ABCC10: variants seen among roughly 807,000 people sequenced by gnomAD.
ABCC10 encodes the protein ATP-binding cassette sub-family C member 10.
Under a neutral mutation model 143.2 loss-of-function variants are expected in ABCC10, and 110 were observed. The observed-to-expected ratio is 0.77, with a 90% CI of 0.66 to 0.90. The LOEUF (loss-of-function observed/expected upper bound fraction) is 0.90, where lower values mean the gene tolerates loss of function less well. Among genes scored for constraint, ABCC10 ranks in the 40% least tolerant of loss-of-function variants. The pLI, the probability that ABCC10 is intolerant of heterozygous loss-of-function variation, is 0.00. For missense variants in ABCC10, 1,700 were observed against 1,900.5 expected (o/e 0.89, Z 1.96); for synonymous variants, 805 against 846.7 (o/e 0.95, Z 0.85).
At chr6:43,428,396 A>G (rs997432965) in intron 2 of ABCC10, among the ~76,000 whole-genome samples, 24 of 152,218 alleles carry the variant, frequency 1.6e-4, no homozygotes, top group Non-Finnish European at 2.9e-4. Flanking sequence ...ATGTTTTTAA[A>G]GGTCCGATGA....
In ABCC10 at chr6:43,450,355, C is replaced by A. The variant is rs1783631435; in HGVS notation, c.*264C>A. The A allele has an allele frequency of 2.1e-6, 2 of 965,258 alleles. No individual in the cohort carries two copies. The highest frequency in any genetic ancestry group is 6.7e-5 in the Admixed American group (2 of 29,680). The allele number at this position is 965,258 out of a possible 1,614,324, so 59.8% of individuals were successfully genotyped here. On this transcript the variant is annotated 3_prime_UTR_variant, in exon 22 of 22. Transcript: ENST00000372530. The surrounding 1 kb of genome is among the most constrained non-coding windows in gnomAD (Gnocchi z 4.5). ...TTTTTCTGGCATAGGAGCCCACTTG[C>A]ATTTTCATAGTTTTATTTGATAAAA...
In ABCC10 at chr6:43,447,728, C is replaced by T. The variant is rs762259730; in HGVS notation, c.3750C>T (p.Asp1250=). The T allele has an allele frequency of 1.1e-5, 18 of 1,614,004 alleles. No individual in the cohort carries two copies. The East Asian group carries it at 2.2e-4, about 20-fold the overall frequency. Residue 1250 remains aspartate (D), a synonymous_variant, in exon 18 of 22, where the codon GAC becomes GAT. Coordinates refer to ENST00000372530, the MANE Select transcript of ABCC10 (RefSeq NM_001198934.2). ...CCCAGGGGGGCGTGGAGTTCCAGGACGTGGTGTTGGCGTACCGGCCAGGGC... is the reference window on the plus strand; with the variant it reads ...CCCAGGGGGGCGTGGAGTTCCAGGATGTGGTGTTGGCGTACCGGCCAGGGC... ...WLTQGGVEFQ[D]VVLAYRPGLP...
intron 2 of ABCC10, among the ~76,000 whole-genome samples, chr6:43,428,728 C>G (rs115435194): frequency 0.021 from 3,168 of 152,254 alleles, 53 homozygotes; most frequent in South Asian, 0.044. Flanking sequence ...CTAGAGATGA[C>G]TAAAGTTAGT....
Position 43,443,421 on chromosome 6 carries a change from C to T in ABCC10, c.2416+262C>T, listed in dbSNP as rs1342418654. 1.5e-5 allele frequency: 6 copies of T among 412,706 alleles called. No individual in the cohort carries two copies. The highest frequency in any genetic ancestry group is 2.6e-5 in the Non-Finnish European group (6 of 233,712). 25.6% of individuals were successfully genotyped at this position (412,706 alleles called of 1,614,324 possible). On this transcript the variant is annotated intron_variant, in intron 10 of 21. Transcript: ENST00000372530. The surrounding 1 kb of genome is among the most constrained non-coding windows in gnomAD (Gnocchi z 4.2). ...AAGGCCCAGGGTCTCTGAGAACATTCTCATATCTTCAGAGAAGAGAAAGGA... is the reference window on the plus strand; with the variant it reads ...AAGGCCCAGGGTCTCTGAGAACATTTTCATATCTTCAGAGAAGAGAAAGGA...
At chr6:43,451,824 T>C, downstream of ABCC10, 1 of 1,465,772 alleles carries the variant, frequency 6.8e-7, no homozygotes, top group South Asian at 1.4e-5. This position sits in a 1 kb window ranked among gnomAD's most constrained non-coding sequence, Gnocchi z 4.4. Context: ...TATCTGAGTG[T>C]CCCCGTGTGG....
chr6:43,451,825 C>T (rs947453242), downstream of ABCC10: 11 of 1,472,048 alleles, frequency 7.5e-6, no homozygotes, highest in Admixed American at 2.4e-5. This position sits in a 1 kb window ranked among gnomAD's most constrained non-coding sequence, Gnocchi z 4.4. Context: ...ATCTGAGTGT[C>T]CCCGTGTGGG....
rs1163938360 is a variant in ABCC10, at chr6:43,428,158, A to AAGG, written c.161+20_161+22dup. 1 of 1,513,378 alleles carries AAGG rather than the reference A, an allele frequency of 6.6e-7. No individual in the cohort carries two copies. Among genetic ancestry groups the AAGG allele is most frequent in the Non-Finnish European group, 8.8e-7 (1 of 1,131,552 alleles). 93.7% of individuals were successfully genotyped at this position (1,513,378 alleles called of 1,614,324 possible). ...CCCCGAGGTGGGTAGAGACGGGCGCAAGGCATCTGTCCATGTGTGCCTGCA... is the reference window on the plus strand; with the variant it reads ...CCCCGAGGTGGGTAGAGACGGGCGCAAGGAGGCATCTGTCCATGTGTGCCTGCA... On this transcript the variant is annotated intron_variant, in intron 2 of 21. Transcript: ENST00000372530.
rs1783086429 is a variant in ABCC10, at chr6:43,446,448, T to G, written c.3544+2T>G. 6 of 1,609,654 alleles carry G rather than the reference T, an allele frequency of 3.7e-6. No individual in the cohort carries two copies. The African/African-American group carries it at 6.7e-5, about 18-fold the overall frequency. On this transcript the variant is annotated splice_donor_variant, in intron 16 of 21. Coordinates refer to ENST00000372530, the MANE Select transcript of ABCC10 (RefSeq NM_001198934.2). LOFTEE classifies it high-confidence loss of function. ...ACCAGCAGGGCCTCGCTAACCCAGG[T>G]GCCACCCAGGACCCCTCACCCCTAC... is the stretch of plus-strand genomic sequence containing the variant.
At position 43,450,335 on chromosome 6, in the gene ABCC10, C is replaced by T; in HGVS notation, c.*244C>T. 1 of 895,150 alleles carries T rather than the reference C, an allele frequency of 1.1e-6. No individual in the cohort carries two copies. The highest frequency in any genetic ancestry group is 1.6e-6 in the Non-Finnish European group (1 of 624,348). The allele number at this position is 895,150 out of a possible 1,614,324, so 55.5% of individuals were successfully genotyped here. A position where few individuals can be genotyped will look rare whatever the true frequency, so the allele number is the denominator to read the frequency against. On this transcript the variant is annotated 3_prime_UTR_variant, in exon 22 of 22. Coordinates refer to ENST00000372530, the MANE Select transcript of ABCC10 (RefSeq NM_001198934.2). This position sits in a 1 kb window ranked among gnomAD's most constrained non-coding sequence, Gnocchi z 4.5. ...CATCTGGAACGCCAGGTGGGTTTTT[C>T]TGGCATAGGAGCCCACTTGCATTTT...
In ABCC10 at chr6:43,436,155, T is replaced by G; in HGVS notation, c.1783T>G (p.Ser595Ala). 1 of 1,614,160 alleles carries G rather than the reference T, an allele frequency of 6.2e-7. No individual in the cohort carries two copies. Among genetic ancestry groups the G allele is most frequent in the Non-Finnish European group, 8.5e-7 (1 of 1,179,992 alleles). Residue 595 changes from serine to alanine, a missense_variant, in exon 6 of 22, where the codon TCT becomes GCT. Physicochemically the swap from Ser to Ala is moderately conservative, Grantham distance 99. Transcript: ENST00000372530. Reference protein sequence around the residue: ...YYSPDPPAEPSTVLELHGALF... With the variant: ...YYSPDPPAEPATVLELHGALF... ...CTGTTCAGATCCCCCTGCAGAGCCA[T>G]CTACAGTATTGGAGCTGCATGGAGC...
Position 43,438,633 on chromosome 6 carries a change from G to A in ABCC10, c.1965G>A (p.Gly655=), listed in dbSNP as rs373616680. The change falls in exon 8 of 22, where the codon GGG becomes GGA. Residue 655 remains glycine (G), a synonymous_variant. Coordinates refer to ENST00000372530, the MANE Select transcript of ABCC10 (RefSeq NM_001198934.2). ...GCCTGGCTCTCTGCAGGCTGCGTGG[G>A]CATGTGGCAGTGCGGGGGCTGTCCA... is the stretch of plus-strand genomic sequence containing the variant. ...AIAGELHRLR[G]HVAVRGLSKG... is the part of the protein sequence containing the mutation. 606 of 1,613,776 alleles carry A rather than the reference G, an allele frequency of 3.8e-4. No individual in the cohort carries two copies. Among genetic ancestry groups the A allele is most frequent in the Non-Finnish European group, 4.6e-4 (544 of 1,180,016 alleles).
chr6:43,437,807 C>T, intron 6 of ABCC10, 127 bp from the exon 7 acceptor site: 1 of 865,764 alleles, frequency 1.2e-6, no homozygotes, highest in African/African-American at 1.7e-5. Flanking sequence ...TTTCCCTACA[C>T]ACTAAAGAAA....
At chr6:43,441,216 G>A (rs1045506726) in intron 8 of ABCC10, among the ~76,000 whole-genome samples, 1 of 152,176 alleles carries the variant, frequency 6.6e-6, no homozygotes, top group Admixed American at 6.5e-5. Context: ...GGTGGCTCAC[G>A]CCTATAATCC....
chr6:43,431,780 A>T, intron 2 of ABCC10: 1 of 1,094,156 alleles, frequency 9.1e-7, no homozygotes, highest in Non-Finnish European at 1.1e-6. Context: ...AAAGTAGCAA[A>T]CGTAGTACCC....
At position 43,445,913 on chromosome 6, in the gene ABCC10, T is replaced by C. The variant is rs762421408; in HGVS notation, c.3345T>C (p.Ser1115=). Residue 1115 remains serine, a synonymous_variant, in exon 15 of 22, where the codon TCT becomes TCC. Coordinates refer to ENST00000372530, the MANE Select transcript of ABCC10 (RefSeq NM_001198934.2). ...TGGCCGATACCTTGGCTGGCCTCTCTGTGCTCCGGGCCACAGGGGCCACCT... is the reference window on the plus strand; with the variant it reads ...TGGCCGATACCTTGGCTGGCCTCTCCGTGCTCCGGGCCACAGGGGCCACCT... ...SHLADTLAGL[S]VLRATGATYR... The C allele has an allele frequency of 2.5e-6, 4 of 1,613,046 alleles. No individual in the cohort carries two copies. In the Admixed American group the frequency reaches 6.7e-5, roughly 27 times the overall value.
At chr6:43,451,665 A>G (rs1057118921), downstream of ABCC10, among the ~76,000 whole-genome samples, 27 of 152,028 alleles carry the variant, frequency 1.8e-4, 1 homozygote, top group African/African-American at 6.3e-4. This position sits in a 1 kb window ranked among gnomAD's most constrained non-coding sequence, Gnocchi z 4.4. Flanking sequence ...CAGGCCCTTC[A>G]GTCTCCCCAC....
Position 43,438,645 on chromosome 6 carries a change from GC to G in ABCC10, c.1978del (p.Arg660GlyfsTer40). ...GCAGGCTGCGTGGGCATGTGGCAGTGCGGGGGCTGTCCAAGGGCTTTGGCCT... is the reference window on the plus strand; with the variant it reads ...GCAGGCTGCGTGGGCATGTGGCAGTGGGGGGCTGTCCAAGGGCTTTGGCCT... ...LHRLRGHVAV[R>X]GLSKGFGLAT... On this transcript the variant is annotated frameshift_variant, in exon 8 of 22. Coordinates refer to ENST00000372530, the MANE Select transcript of ABCC10 (RefSeq NM_001198934.2). LOFTEE classifies it high-confidence loss of function. The G allele has an allele frequency of 1.9e-6, 3 of 1,614,088 alleles. No homozygotes were observed. The highest frequency in any genetic ancestry group is 2.5e-6 in the Non-Finnish European group (3 of 1,180,032).
At chr6:43,446,483 A>G in intron 16 of ABCC10, 37 bp downstream of exon 16, 1 of 1,585,342 alleles carries the variant, frequency 6.3e-7, no homozygotes, top group Non-Finnish European at 8.6e-7. Flanking sequence ...CCTCATCCAC[A>G]AGTTAGTCCA....
intron 8 of ABCC10, among the ~76,000 whole-genome samples, chr6:43,439,101 A>G (rs1363209289): frequency 6.6e-6 from 1 of 151,978 alleles, no homozygotes; most frequent in African/African-American, 2.4e-5. Flanking sequence ...CTCCATACCC[A>G]CTTCCCACTG....
Sources: allele counts gnomAD v4.1 joint callset (sites outside exome capture counted in the v4.1 genomes callset), GRCh38; gene constraint gnomAD v4.1.1; non-coding constraint Gnocchi (gnomAD v3.1); transcripts MANE v1.5; gene names NCBI Gene and HGNC (gene_info 2026-07-23, HGNC 2026-07-21).